Variants in PCDHAC1 observed in about 807,000 individuals in gnomAD.
The protein encoded by PCDHAC1 is protocadherin alpha-C1.
Under a neutral mutation model 60.0 loss-of-function variants are expected in PCDHAC1, and 42 were observed. The observed-to-expected ratio is 0.70, with a 90% confidence interval of 0.55 to 0.90. PCDHAC1 has a LOEUF of 0.90. PCDHAC1 is among the 40% of genes least tolerant of loss of function. The pLI is 0.00. For missense variants in PCDHAC1, 1,160 were observed against 1,222.3 expected, an observed-to-expected ratio of 0.95 and a Z score of 0.76; for synonymous variants, 468 against 499.3, an observed-to-expected ratio of 0.94 and a Z score of 0.84.
intron 1 of PCDHAC1, chr5:140,967,445 C>T (rs782571799): frequency 3.1e-6 from 5 of 1,613,550 alleles, no homozygotes; most frequent in Non-Finnish European, 4.2e-6. Flanking sequence ...CCACCTGGTT[C>T]TCACAGCCGT....
chr5:140,979,102 C>T (rs1263848262), intron 2 of PCDHAC1, 95 bp downstream of exon 2: 1 of 1,541,684 alleles, frequency 6.5e-7, no homozygotes, highest in Non-Finnish European at 8.7e-7. Flanking sequence ...GCTGTCAAAA[C>T]TAAAAAGCTT....
chr5:140,979,146 TC>T (rs2096836943), intron 2 of PCDHAC1, 139 bp downstream of exon 2: 2 of 1,444,078 alleles, frequency 1.4e-6, no homozygotes, highest in African/African-American at 2.9e-5. Context: ...AATTATTTTG[TC>T]CCCATGTTTA....
Position 141,009,998 on chromosome 5 carries a change from T to A in PCDHAC1, c.*61T>A. On this transcript the variant is annotated 3_prime_UTR_variant, in exon 4 of 4. Transcript: ENST00000253807. ...TTGTAATAATGGCAAATCTCTCCCA[T>A]GTAGCAATTCCCTGCTCCTTTTTCC... 1 of 1,575,994 alleles carries A rather than the reference T, an allele frequency of 6.3e-7. No individual in the cohort carries two copies. Among genetic ancestry groups the A allele is most frequent in the Non-Finnish European group, 8.6e-7 (1 of 1,164,944 alleles).
At chr5:140,983,904 C>T (rs1227752084) in intron 3 of PCDHAC1, among the ~76,000 whole-genome samples, 2 of 152,164 alleles carry the variant, frequency 1.3e-5, no homozygotes, top group African/African-American at 4.8e-5. Context: ...TTCGTTGATT[C>T]TAATCAGCCA....
In PCDHAC1 at chr5:140,951,072, T is replaced by G. The variant is rs551891980; in HGVS notation, c.2433+21747T>G. Among the ~76,000 whole-genome samples the G allele has an allele frequency of 1.1e-4, 16 of 152,184 alleles. No individual in the cohort carries two copies. The South Asian group carries it at 3.1e-3, about 30-fold the overall frequency. ...ATTGCTAAAATTTCCATTGGCTTTCTTATATTTTCCTTTTTTTCTGATAAG... is the reference window on the plus strand; with the variant it reads ...ATTGCTAAAATTTCCATTGGCTTTCGTATATTTTCCTTTTTTTCTGATAAG... On this transcript the variant is annotated intron_variant, in intron 1 of 3. Transcript: ENST00000253807.
chr5:141,009,955 A>G lies in PCDHAC1; in HGVS notation c.*18A>G, dbSNP rs782282264. 6.3e-7 allele frequency: 1 copy of G among 1,592,418 alleles called. No individual in the cohort carries two copies. Among genetic ancestry groups the G allele is most frequent in the African/African-American group, 1.4e-5 (1 of 73,350 alleles). ...ACCAGTGAGGTCCTCAAATGGAAAC[A>G]AGCCACTTAGCCAGTTTTTGTAATA... On this transcript the variant is annotated 3_prime_UTR_variant, in exon 4 of 4. Transcript: ENST00000253807.
At chr5:140,995,352 C>T (rs976879377) in intron 3 of PCDHAC1, among the ~76,000 whole-genome samples, 2 of 152,006 alleles carry the variant, frequency 1.3e-5, no homozygotes, top group Non-Finnish European at 2.9e-5. Context: ...ATGGATAGGT[C>T]GGACAGAGGG....
intron 1 of PCDHAC1, chr5:140,966,989 G>A: frequency 5.0e-6 from 8 of 1,604,148 alleles, no homozygotes; most frequent in Non-Finnish European, 6.8e-6. Context: ...CTTGGGGCCG[G>A]GTTGCTTGCG....
intron 1 of PCDHAC1, among the ~76,000 whole-genome samples, chr5:140,950,960 A>G (rs2094536305): frequency 6.6e-6 from 1 of 151,564 alleles, no homozygotes. Flanking sequence ...CTATTGATCT[A>G]TTTTCAGATT....
chr5:140,943,057 G>A (rs907618778), intron 1 of PCDHAC1, among the ~76,000 whole-genome samples: 2 of 151,996 alleles, frequency 1.3e-5, no homozygotes, highest in African/African-American at 4.8e-5. Context: ...AGGAGTTCAA[G>A]AACAGCCTGA....
intron 1 of PCDHAC1, among the ~76,000 whole-genome samples, chr5:140,973,059 A>G (rs2096570291): frequency 6.6e-6 from 1 of 152,062 alleles, no homozygotes; most frequent in African/African-American, 2.4e-5. Context: ...TTTGTCCAAC[A>G]GTGTCTCAGT....
intron 1 of PCDHAC1, among the ~76,000 whole-genome samples, chr5:140,965,210 T>C (rs1554227481): frequency 6.6e-6 from 1 of 152,214 alleles, no homozygotes; most frequent in Non-Finnish European, 1.5e-5. Context: ...TTCAAATTCC[T>C]GTGGAAGAAA....
chr5:140,966,279 G>A, intron 1 of PCDHAC1: 1 of 364,628 alleles, frequency 2.7e-6, no homozygotes, highest in Non-Finnish European at 4.9e-6. Flanking sequence ...ACTGGACAGT[G>A]GGGGTAGGGA....
chr5:140,961,504 G>T (rs2095618659), intron 1 of PCDHAC1, among the ~76,000 whole-genome samples: 1 of 152,112 alleles, frequency 6.6e-6, no homozygotes, highest in African/African-American at 2.4e-5. Flanking sequence ...GGGAGACTTT[G>T]TTTAATGTCT....
chr5:140,967,029 G>A, intron 1 of PCDHAC1: 1 of 1,609,056 alleles, frequency 6.2e-7, no homozygotes, highest in Non-Finnish European at 8.5e-7. Flanking sequence ...CCCAGTCCGC[G>A]CTACCTGGAG....
At chr5:141,007,299 T>C (rs550659664) in intron 3 of PCDHAC1, among the ~76,000 whole-genome samples, 9 of 151,686 alleles carry the variant, frequency 5.9e-5, no homozygotes, top group African/African-American at 2.2e-4. Context: ...GCCTGTAATC[T>C]TAGCATTTTG....
At position 140,927,616 on chromosome 5, in the gene PCDHAC1, G is replaced by T. The variant is rs1228559116; in HGVS notation, c.724G>T (p.Val242Phe). ...TGAGCGCTCCGTATACCGCACCAAGGTTCCAGAGACTGCACCCAATGGGAC... is the reference window on the plus strand; with the variant it reads ...TGAGCGCTCCGTATACCGCACCAAGTTTCCAGAGACTGCACCCAATGGGAC... ...VFERSVYRTK[V>F]PETAPNGTVL... The change falls in exon 1 of 4, where the codon GTT (valine) becomes TTT (phenylalanine). Residue 242 changes from valine to phenylalanine, a missense_variant. Transcript: ENST00000253807. 6.2e-7 allele frequency: 1 copy of T among 1,614,164 alleles called. No individual in the cohort carries two copies. Among genetic ancestry groups the T allele is most frequent in the South Asian group, 1.1e-5 (1 of 91,088 alleles).
At chr5:141,003,087 G>A (rs894210434) in intron 3 of PCDHAC1, among the ~76,000 whole-genome samples, 4 of 152,198 alleles carry the variant, frequency 2.6e-5, no homozygotes, top group Non-Finnish European at 5.9e-5. Flanking sequence ...AGTTTAACAG[G>A]CCTGGCATTT....
At chr5:140,986,031 G>A (rs1443664535) in intron 3 of PCDHAC1, among the ~76,000 whole-genome samples, 5 of 152,198 alleles carry the variant, frequency 3.3e-5, no homozygotes, top group South Asian at 2.1e-4. Flanking sequence ...GAGCCACTGC[G>A]CCTGGCCTCA....
Sources: allele counts gnomAD v4.1 joint callset (sites outside exome capture counted in the v4.1 genomes callset), GRCh38; gene constraint gnomAD v4.1.1; transcripts MANE v1.5; gene names NCBI Gene and HGNC (gene_info 2026-07-23, HGNC 2026-07-21).